The following TBXAS1 variants were observed in gnomAD, a reference collection of about 807,000 sequenced individuals.
TBXAS1 encodes the protein thromboxane A synthase 1, also known as thromboxane-A synthase.
In TBXAS1, 48 loss-of-function variants were observed where a neutral mutation model predicts 60.7. The observed-to-expected ratio is 0.79, with a 90% CI of 0.63 to 1.01. The LOEUF (loss-of-function observed/expected upper bound fraction) is 1.01, where lower values mean the gene tolerates loss of function less well. TBXAS1 is among the 50% of genes least tolerant of loss of function. TBXAS1 has a pLI of 0.00. For missense variants in TBXAS1, 685 were observed against 686.3 expected (o/e 1.00, Z 0.02); for synonymous variants, 287 against 269.7 (o/e 1.06, Z -0.63).
At chr7:140,003,596 C>A (rs1001601519) in intron 9 of TBXAS1, among the ~76,000 whole-genome samples, 5 of 152,134 alleles carry the variant, frequency 3.3e-5, no homozygotes, top group African/African-American at 1.2e-4. Context: ...TTTTCTAATA[C>A]AAAATTCGCT....
chr7:139,962,097 G>T lies in TBXAS1; in HGVS notation c.998G>T (p.Gly333Val), dbSNP rs771239270. ...ARPLTVDEIV[G>V]QAFIFLIAGY... is the part of the protein sequence containing the mutation. ...CCTTTGACTGTGGATGAGATTGTGG[G>T]CCAGGCCTTCATCTTCCTCATCGCT... The change falls in exon 9 of 13, where the codon GGC becomes GTC. Residue 333 changes from glycine to valine, a missense_variant. Physicochemically the swap from Gly to Val is moderately radical, Grantham distance 109. Coordinates refer to ENST00000448866, the MANE Select transcript of TBXAS1 (RefSeq NM_001061.7). 1 of 1,614,184 alleles carries T rather than the reference G, an allele frequency of 6.2e-7. No individual in the cohort carries two copies. Among genetic ancestry groups the T allele is most frequent in the Admixed American group, 1.7e-5 (1 of 60,032 alleles).
intron 4 of TBXAS1, among the ~76,000 whole-genome samples, chr7:139,811,144 G>A (rs1435414052): frequency 6.6e-6 from 1 of 152,228 alleles, no homozygotes; most frequent in Non-Finnish European, 1.5e-5. Context: ...GATTCAACCT[G>A]AAGTATATTG....
chr7:139,852,941 C>CACAT lies in TBXAS1; in HGVS notation c.90-19291_90-19290insTACA, dbSNP rs1406744389. Among the ~76,000 whole-genome samples the CACAT allele has an allele frequency of 1.5e-3, 46 of 31,614 alleles. No homozygotes were observed. The African/African-American group carries it at 0.022, about 15-fold the overall frequency. The allele number at this position is 31,614 out of a possible 152,430, so 20.7% of individuals were successfully genotyped here. A position where few individuals can be genotyped will look rare whatever the true frequency, so the allele number is the denominator to read the frequency against. ...CCAACCTTGGCTACTCCAATACACA[C>CACAT]ACACACACACACACACACACACACA... On this transcript the variant is annotated intron_variant, in intron 1 of 12. Coordinates refer to ENST00000448866, the MANE Select transcript of TBXAS1 (RefSeq NM_001061.7). This position sits in a 1 kb window ranked among gnomAD's most constrained non-coding sequence, Gnocchi z 4.4.
At chr7:139,837,458 A>G (rs1468341102) in intron 1 of TBXAS1, among the ~76,000 whole-genome samples, 2 of 152,242 alleles carry the variant, frequency 1.3e-5, no homozygotes, top group East Asian at 3.8e-4. Context: ...TGGTATATGT[A>G]TATGATGGAA....
At chr7:139,952,801 C>G (rs1026329804) in intron 5 of TBXAS1, 1 of 1,145,064 alleles carries the variant, frequency 8.7e-7, no homozygotes, top group South Asian at 2.0e-5. Context: ...TCCCAGTATT[C>G]GAAAGCTTAG....
chr7:139,894,771 T>C (rs1176974422), intron 3 of TBXAS1, among the ~76,000 whole-genome samples: 2 of 152,212 alleles, frequency 1.3e-5, no homozygotes, highest in African/African-American at 2.4e-5. Flanking sequence ...TTTCCCCATG[T>C]CTTGAAGTGC....
chr7:139,925,530 C>G (rs139295670), intron 4 of TBXAS1, among the ~76,000 whole-genome samples: 4,763 of 152,188 alleles, frequency 0.031, 113 homozygotes, highest in Middle Eastern at 0.082. Flanking sequence ...TTTATGAGAT[C>G]TAATAGCTTT....
chr7:139,890,940 C>T (rs768086243), intron 3 of TBXAS1, among the ~76,000 whole-genome samples: 4 of 151,790 alleles, frequency 2.6e-5, no homozygotes, highest in East Asian at 1.9e-4. Flanking sequence ...ATTATCATTT[C>T]GTGGATATTA....
intron 3 of TBXAS1, among the ~76,000 whole-genome samples, chr7:139,886,991 T>A (rs947821565): frequency 1.3e-5 from 2 of 152,178 alleles, no homozygotes; most frequent in Admixed American, 6.5e-5. Context: ...CAATCTGGAA[T>A]GGACACTTAG....
intron 5 of TBXAS1, among the ~76,000 whole-genome samples, chr7:139,945,391 A>G (rs1460237951): frequency 6.6e-6 from 1 of 152,256 alleles, no homozygotes; most frequent in Non-Finnish European, 1.5e-5. Flanking sequence ...TAGGACCAGC[A>G]TGAGTCTCAG....
intron 1 of TBXAS1, among the ~76,000 whole-genome samples, chr7:139,841,240 C>T (rs1799426077): frequency 6.6e-6 from 1 of 152,174 alleles, no homozygotes; most frequent in African/African-American, 2.4e-5. Flanking sequence ...GACTCTACTT[C>T]GAGAAGCAGA....
intron 1 of TBXAS1, among the ~76,000 whole-genome samples, chr7:139,830,502 T>C (rs1172903125): frequency 6.6e-6 from 1 of 151,810 alleles, no homozygotes. Flanking sequence ...AAACCCAGCC[T>C]CAGTCCCAGT....
chr7:140,010,388 G>A (rs1014912881), intron 10 of TBXAS1, among the ~76,000 whole-genome samples: 1 of 152,226 alleles, frequency 6.6e-6, no homozygotes, highest in African/African-American at 2.4e-5. Context: ...GGGAAACACA[G>A]CAGCCCTGTC....
At chr7:139,836,083 T>A (rs552490405) in intron 1 of TBXAS1, among the ~76,000 whole-genome samples, 26 of 131,708 alleles carry the variant, frequency 2.0e-4, no homozygotes, top group East Asian at 1.7e-3. Flanking sequence ...AATAAATAAA[T>A]AAAATACTTA....
At chr7:139,928,434 C>G (rs1440536129) in intron 4 of TBXAS1, among the ~76,000 whole-genome samples, 1 of 152,036 alleles carries the variant, frequency 6.6e-6, no homozygotes, top group Non-Finnish European at 1.5e-5. Context: ...ATTTTTCTTT[C>G]TTGTAAGTCT....
intron 4 of TBXAS1, among the ~76,000 whole-genome samples, chr7:139,923,161 A>AATAT (rs147721420): frequency 6.7e-6 from 1 of 150,250 alleles, no homozygotes; most frequent in African/African-American, 2.4e-5. Context: ...CTACTAAACA[A>AATAT]ATATATATAT....
In TBXAS1 at chr7:139,833,270, A is replaced by G. The variant is rs533093960; in HGVS notation, c.89+3791A>G. ...AGACTCACCTAACACATAAGGACTC[A>G]CATAAACTTAAAGGGGTAGAAAAAG... On this transcript the variant is annotated intron_variant, in intron 1 of 12. Transcript: ENST00000448866. 6.6e-4 allele frequency among the ~76,000 whole-genome samples: 100 copies of G among 152,224 alleles called. 1 individual carries two copies. The highest frequency in any genetic ancestry group is 1.2e-3 in the Non-Finnish European group (83 of 68,042).
Position 139,852,793 on chromosome 7 carries a change from G to A in TBXAS1, c.90-19442G>A, listed in dbSNP as rs1254825118. On this transcript the variant is annotated intron_variant, in intron 1 of 12. Transcript: ENST00000448866. This position sits in a 1 kb window ranked among gnomAD's most constrained non-coding sequence, Gnocchi z 4.4. ...AATAGAAAGGTGGAAATATTGGCTG[G>A]GTTTATGAAGACATAACTTCTTATC... Among the ~76,000 whole-genome samples the A allele has an allele frequency of 1.3e-5, 2 of 152,006 alleles. No homozygotes were observed. Among genetic ancestry groups the A allele is most frequent in the Admixed American group, 6.6e-5 (1 of 15,258 alleles).
intron 9 of TBXAS1, among the ~76,000 whole-genome samples, chr7:139,971,296 G>A (rs1185648723): frequency 6.6e-6 from 1 of 152,122 alleles, no homozygotes; most frequent in Non-Finnish European, 1.5e-5. Flanking sequence ...TGTGTACCTG[G>A]AACCCTATCT....
Sources: gnomAD v4.1 joint callset for allele counts (sites outside exome capture counted in the v4.1 genomes callset) on GRCh38, gnomAD v4.1.1 for gene constraint, Gnocchi (gnomAD v3.1) non-coding constraint, MANE v1.5 for transcripts, NCBI Gene and HGNC (gene_info 2026-07-23, HGNC 2026-07-21) for gene names.